ZNF609: variants seen among roughly 807,000 people sequenced by gnomAD.
ZNF609 encodes the protein zinc finger protein 609.
In ZNF609, 11 loss-of-function variants were observed where a neutral mutation model predicts 109.5. The ratio of observed to expected loss-of-function variants is 0.10; its 90% CI spans 0.06 to 0.17. The LOEUF (loss-of-function observed/expected upper bound fraction) is 0.17, where lower values mean the gene tolerates loss of function less well. Ranked by LOEUF, ZNF609 falls within the 10% of genes least tolerant of loss-of-function variation. ZNF609 has a pLI of 1.00. For synonymous variants in ZNF609, 646 were observed against 662.0 expected (o/e 0.98, Z 0.37); for missense variants, 1,559 against 1,772.4 (o/e 0.88, Z 2.16).
chr15:64,643,729 A>G (rs1896293694), intron 3 of ZNF609: 1 of 152,194 alleles, frequency 6.6e-6, no homozygotes, highest in Admixed American at 6.5e-5. Flanking sequence ...TATTCATACT[A>G]GCACTGGACA....
At chr15:64,477,439 C>T (rs1372971212) in intron 1 of ZNF609, among the ~76,000 whole-genome samples, 1 of 151,860 alleles carries the variant, frequency 6.6e-6, no homozygotes, top group African/African-American at 2.4e-5. Context: ...CACGCCTGGC[C>T]TGCTTTACTT....
At chr15:64,465,326 T>C (rs1208766983) in intron 1 of ZNF609, among the ~76,000 whole-genome samples, 2 of 152,176 alleles carry the variant, frequency 1.3e-5, no homozygotes, top group African/African-American at 2.4e-5. Flanking sequence ...TTTTATATTA[T>C]GAATATATTT....
intron 1 of ZNF609, among the ~76,000 whole-genome samples, chr15:64,485,906 C>G (rs1209839673): frequency 6.6e-6 from 1 of 152,124 alleles, no homozygotes; most frequent in African/African-American, 2.4e-5. Context: ...TTGATATAAG[C>G]CATCTATCTT....
At chr15:64,487,702 G>A (rs982291429) in intron 1 of ZNF609, among the ~76,000 whole-genome samples, 1 of 151,586 alleles carries the variant, frequency 6.6e-6, no homozygotes, top group Non-Finnish European at 1.5e-5. Context: ...GCACAATCTC[G>A]GCTCACTGCA....
At chr15:64,628,695 G>A (rs1025436089) in intron 3 of ZNF609, among the ~76,000 whole-genome samples, 5 of 152,046 alleles carry the variant, frequency 3.3e-5, no homozygotes, top group Admixed American at 6.6e-5. Context: ...GCGTGATCTC[G>A]GCTCACTGCA....
chr15:64,552,202 A>G (rs1894493914), intron 2 of ZNF609, among the ~76,000 whole-genome samples: 1 of 152,094 alleles, frequency 6.6e-6, no homozygotes, highest in Non-Finnish European at 1.5e-5. Flanking sequence ...GCTTTCGTTA[A>G]TGGGTCATGC....
At chr15:64,609,129 T>TTTCTTTCTTTCTTTCTTTC in intron 2 of ZNF609, among the ~76,000 whole-genome samples, 1 of 80,600 alleles carries the variant, frequency 1.2e-5, no homozygotes, top group Non-Finnish European at 2.6e-5. Flanking sequence ...TCTTTCTTTC[T>TTTCTTTCTTTCTTTCTTTC]TTTTTTCTTT....
intron 1 of ZNF609, among the ~76,000 whole-genome samples, chr15:64,491,776 T>A (rs1292041097): frequency 6.6e-6 from 1 of 151,146 alleles, no homozygotes; most frequent in Non-Finnish European, 1.5e-5. Context: ...ACCCAGGAGG[T>A]GGAGGTTGCA....
At chr15:64,669,969 A>G (rs1049829870) in intron 3 of ZNF609, among the ~76,000 whole-genome samples, 1 of 151,862 alleles carries the variant, frequency 6.6e-6, no homozygotes, top group Non-Finnish European at 1.5e-5. Flanking sequence ...CTCCCGGCCA[A>G]AAAAAAATTT....
intron 2 of ZNF609, among the ~76,000 whole-genome samples, chr15:64,556,037 G>A (rs1342232615): frequency 6.7e-6 from 1 of 150,324 alleles, no homozygotes. Flanking sequence ...TGTTGCCCAG[G>A]CTGAGTACAG....
chr15:64,680,255 C>T lies in ZNF609; in HGVS notation c.3840C>T (p.Asp1280=), dbSNP rs779584448. Residue 1280 remains aspartate, a synonymous_variant, in exon 7 of 10, where the codon GAC becomes GAT. Transcript: ENST00000326648. ...GSKVSGGEDA[D]KARASPSVTC... ...AGGTCTCAGGTGGTGAAGATGCTGA[C>T]AAGGCACGAGCCAGCCCCAGTGTGA... is the stretch of plus-strand genomic sequence containing the variant. 6.2e-7 allele frequency: 1 copy of T among 1,614,068 alleles called. No individual in the cohort carries two copies. Among genetic ancestry groups the T allele is most frequent in the African/African-American group, 1.3e-5 (1 of 74,926 alleles).
chr15:64,561,942 G>A (rs1419307660), intron 2 of ZNF609, among the ~76,000 whole-genome samples: 1 of 152,114 alleles, frequency 6.6e-6, no homozygotes, highest in Non-Finnish European at 1.5e-5. Flanking sequence ...ACTGGAGTTT[G>A]TGTTTAAGTT....
chr15:64,618,657 C>T (rs1403288498), intron 2 of ZNF609, among the ~76,000 whole-genome samples: 2 of 152,180 alleles, frequency 1.3e-5, no homozygotes, highest in African/African-American at 4.8e-5. Flanking sequence ...AGCTACTCAG[C>T]GGCCCAGGCT....
chr15:64,567,504 C>T (rs991426984), intron 2 of ZNF609, among the ~76,000 whole-genome samples: 5 of 151,752 alleles, frequency 3.3e-5, no homozygotes, highest in Admixed American at 6.6e-5. Flanking sequence ...AAAAACATTC[C>T]ATCTAAAAAA....
chr15:64,681,504 A>G, intron 9 of ZNF609, 117 bp downstream of exon 9: 1 of 832,516 alleles, frequency 1.2e-6, no homozygotes, highest in African/African-American at 1.7e-5. Context: ...AATCCATGGA[A>G]CCCTGGCCAA....
At chr15:64,572,514 A>C (rs1182543049) in intron 2 of ZNF609, among the ~76,000 whole-genome samples, 1 of 152,194 alleles carries the variant, frequency 6.6e-6, no homozygotes, top group Non-Finnish European at 1.5e-5. Flanking sequence ...ATGGGATATA[A>C]GCTTCCTGAG....
At chr15:64,638,441 A>G (rs371480675) in intron 3 of ZNF609, among the ~76,000 whole-genome samples, 26 of 152,120 alleles carry the variant, frequency 1.7e-4, no homozygotes, top group African/African-American at 6.0e-4. Flanking sequence ...TACAGAAAAA[A>G]AAGTGCTGAA....
chr15:64,541,480 G>A (rs1323530174), intron 2 of ZNF609, among the ~76,000 whole-genome samples: 1 of 150,810 alleles, frequency 6.6e-6, no homozygotes, highest in Non-Finnish European at 1.5e-5. Flanking sequence ...ATAATTGGCA[G>A]AGTGGTACAC....
chr15:64,680,736 G>T lies in ZNF609; in HGVS notation c.4036G>T (p.Gly1346Trp). The change falls in exon 8 of 10, where the codon GGG becomes TGG. Residue 1346 changes from glycine (G) to tryptophan (W), a missense_variant. Coordinates refer to ENST00000326648, the MANE Select transcript of ZNF609 (RefSeq NM_015042.2). Reference sequence around the variant, plus strand: ...CTGTAGCAGCGTCGGGGGAGCAAGTGGGGGTGAACGGAGTGTTGACCGGCC... The same window carrying T: ...CTGTAGCAGCGTCGGGGGAGCAAGTTGGGGTGAACGGAGTGTTGACCGGCC... ...GSCSSVGGAS[G>W]GERSVDRPRT... 2.5e-6 allele frequency: 4 copies of T among 1,613,542 alleles called. No individual in the cohort carries two copies. Among genetic ancestry groups the T allele is most frequent in the Non-Finnish European group, 3.4e-6 (4 of 1,179,962 alleles).
Sources: gnomAD v4.1 joint callset for allele counts (sites outside exome capture counted in the v4.1 genomes callset) on GRCh38, gnomAD v4.1.1 for gene constraint, MANE v1.5 for transcripts, NCBI Gene and HGNC (gene_info 2026-07-23, HGNC 2026-07-21) for gene names.